The following CACNA1D variants were observed in gnomAD, a reference collection of about 807,000 sequenced individuals.
CACNA1D encodes calcium voltage-gated channel subunit alpha1 D, also known as voltage-dependent L-type calcium channel subunit alpha-1D.
CACNA1D carries 55 observed loss-of-function variants against 257.1 expected under a neutral mutation model. The observed-to-expected ratio is 0.21, with a 90% CI of 0.17 to 0.27. The LOEUF (loss-of-function observed/expected upper bound fraction) is 0.27, where lower values mean the gene tolerates loss of function less well. Ranked by LOEUF, CACNA1D falls within the 10% of genes least tolerant of loss-of-function variation. The pLI is 1.00. For synonymous variants in CACNA1D, 980 were observed against 1,014.9 expected, an observed-to-expected ratio of 0.97 and a Z score of 0.65; for missense variants, 1,876 against 2,784.0, an observed-to-expected ratio of 0.67 and a Z score of 7.34.
At chr3:53,693,346 C>T (rs1310537741) in intron 8 of CACNA1D, among the ~76,000 whole-genome samples, 1 of 152,072 alleles carries the variant, frequency 6.6e-6, no homozygotes, top group Non-Finnish European at 1.5e-5. Flanking sequence ...CTATCACCAG[C>T]TTTTCATGGT....
At chr3:53,744,599 G>T in intron 22 of CACNA1D, 141 bp from the exon 23 acceptor site, 1 of 733,346 alleles carries the variant, frequency 1.4e-6, no homozygotes. Context: ...GAGTCGTGAA[G>T]AGAGATCAGC....
At chr3:53,612,511 C>G (rs943374216) in intron 3 of CACNA1D, among the ~76,000 whole-genome samples, 1 of 152,210 alleles carries the variant, frequency 6.6e-6, no homozygotes, top group African/African-American at 2.4e-5. Flanking sequence ...TAACCCTATG[C>G]GAATGCTGGG....
chr3:53,545,492 G>T (rs1037525847), intron 3 of CACNA1D, among the ~76,000 whole-genome samples: 1 of 152,196 alleles, frequency 6.6e-6, no homozygotes, highest in Non-Finnish European at 1.5e-5. Context: ...TTAGAGGAGC[G>T]GGGTGAGGAT....
intron 5 of CACNA1D, among the ~76,000 whole-genome samples, chr3:53,663,714 C>T (rs1019950650): frequency 6.6e-6 from 1 of 152,134 alleles, no homozygotes; most frequent in African/African-American, 2.4e-5. Flanking sequence ...ATTTCAGACT[C>T]AGCAAGACCC....
chr3:53,750,070 C>T (rs2095212499), intron 27 of CACNA1D, among the ~76,000 whole-genome samples: 1 of 152,202 alleles, frequency 6.6e-6, no homozygotes, highest in African/African-American at 2.4e-5. Flanking sequence ...GGGGAATACC[C>T]TGCATCACCC....
chr3:53,608,173 TC>T (rs1457992234), intron 3 of CACNA1D, among the ~76,000 whole-genome samples: 1 of 152,164 alleles, frequency 6.6e-6, no homozygotes, highest in Admixed American at 6.5e-5. Flanking sequence ...TTAATTTTTT[TC>T]AATAATGTTT....
chr3:53,524,886 A>C (rs1053346572), intron 3 of CACNA1D, among the ~76,000 whole-genome samples: 1 of 152,176 alleles, frequency 6.6e-6, no homozygotes, highest in Admixed American at 6.5e-5. Flanking sequence ...TGGATTTTCA[A>C]ATCTTCTGAG....
At chr3:53,676,642 C>T (rs1576319377) in intron 8 of CACNA1D, among the ~76,000 whole-genome samples, 1 of 152,202 alleles carries the variant, frequency 6.6e-6, no homozygotes, top group African/African-American at 2.4e-5. Context: ...TTTGGAAATA[C>T]CTGTATCTGT....
intron 9 of CACNA1D, among the ~76,000 whole-genome samples, chr3:53,709,445 C>T (rs142178165): frequency 1.6e-4 from 25 of 152,308 alleles, no homozygotes; most frequent in African/African-American, 5.8e-4. Flanking sequence ...CCTGTGTCTG[C>T]GTGCTCGTGT....
chr3:53,580,997 T>C (rs1194433744), intron 3 of CACNA1D, among the ~76,000 whole-genome samples: 4 of 152,188 alleles, frequency 2.6e-5, no homozygotes, highest in African/African-American at 9.7e-5. Context: ...AAGTCCAGGT[T>C]TGGCCACCTA....
At chr3:53,752,227 G>A (rs1195907509) in intron 28 of CACNA1D, among the ~76,000 whole-genome samples, 2 of 152,168 alleles carry the variant, frequency 1.3e-5, no homozygotes, top group Non-Finnish European at 1.5e-5. Context: ...CAGCTCTGGA[G>A]ATACACAGCT....
intron 45 of CACNA1D, among the ~76,000 whole-genome samples, chr3:53,807,166 C>T (rs1435182094): frequency 3.3e-5 from 5 of 151,808 alleles, no homozygotes; most frequent in Admixed American, 6.5e-5. Flanking sequence ...ATCCCTGGAG[C>T]ATTTTAGAAA....
At chr3:53,586,962 G>A (rs2093228514) in intron 3 of CACNA1D, among the ~76,000 whole-genome samples, 1 of 152,172 alleles carries the variant, frequency 6.6e-6, no homozygotes, top group Non-Finnish European at 1.5e-5. Flanking sequence ...GGTGAGACAT[G>A]GATGCTGAGT....
chr3:53,563,322 A>C (rs867297370), intron 3 of CACNA1D, among the ~76,000 whole-genome samples: 8 of 152,216 alleles, frequency 5.3e-5, no homozygotes, highest in Middle Eastern at 3.4e-3. Flanking sequence ...TCAGGAGTTC[A>C]AGACCAACCT....
intron 3 of CACNA1D, among the ~76,000 whole-genome samples, chr3:53,569,727 T>G (rs2092910912): frequency 1.3e-5 from 2 of 152,252 alleles, no homozygotes; most frequent in Non-Finnish European, 2.9e-5. Flanking sequence ...AAATGTATTC[T>G]TTATCATTGA....
At chr3:53,559,968 T>C (rs2092708795) in intron 3 of CACNA1D, among the ~76,000 whole-genome samples, 1 of 151,892 alleles carries the variant, frequency 6.6e-6, no homozygotes, top group African/African-American at 2.4e-5. Flanking sequence ...GTGCTGCTGC[T>C]TCTTGGTACT....
intron 3 of CACNA1D, among the ~76,000 whole-genome samples, chr3:53,512,105 C>CT (rs1284298093): frequency 6.6e-6 from 1 of 152,060 alleles, no homozygotes; most frequent in Non-Finnish European, 1.5e-5. Context: ...GCCCCTTGGT[C>CT]TTTTTTCACG....
rs1264371085 is a variant in CACNA1D, at chr3:53,495,768, G to T, written c.67+535G>T. Among the ~76,000 whole-genome samples, 2 of 152,248 alleles carry T rather than the reference G, an allele frequency of 1.3e-5. No homozygotes were observed. On this transcript the variant is annotated intron_variant, in intron 1 of 47. Coordinates refer to ENST00000350061, the MANE Select transcript of CACNA1D (RefSeq NM_001128840.3). This position sits in a 1 kb window ranked among gnomAD's most constrained non-coding sequence, Gnocchi z 5.1. Reference sequence around the variant, plus strand: ...CCCGGCCTCGGTATCGGGGAAAGGGGTTCGGGTGGAGCGTGCGTTCCCGCT... The same window carrying T: ...CCCGGCCTCGGTATCGGGGAAAGGGTTTCGGGTGGAGCGTGCGTTCCCGCT...
chr3:53,617,295 T>TG (rs2093648146), intron 3 of CACNA1D, among the ~76,000 whole-genome samples: 1 of 151,850 alleles, frequency 6.6e-6, no homozygotes. Context: ...TGTCAGTGGG[T>TG]GGGGTGGAGG....
Sources: gnomAD v4.1 joint callset for allele counts (sites outside exome capture counted in the v4.1 genomes callset) on GRCh38, gnomAD v4.1.1 for gene constraint, Gnocchi (gnomAD v3.1) non-coding constraint, MANE v1.5 for transcripts, NCBI Gene and HGNC (gene_info 2026-07-23, HGNC 2026-07-21) for gene names.